Variants in NOVA2 observed in about 807,000 individuals in gnomAD.
NOVA2 encodes the protein RNA-binding protein Nova-2.
In NOVA2, 9 loss-of-function variants were observed where a neutral mutation model predicts 22.5. That is an observed-to-expected ratio of 0.40 (90% CI 0.24 to 0.70). The LOEUF is 0.70. NOVA2 is among the 30% of genes least tolerant of loss of function. NOVA2 has a pLI of 0.38. For synonymous variants in NOVA2, 318 were observed against 335.2 expected (o/e 0.95, Z 0.56); for missense variants, 383 against 682.8 (o/e 0.56, Z 4.89).
chr19:45,961,907 G>A (rs1968101509), intron 1 of NOVA2, among the ~76,000 whole-genome samples: 1 of 152,194 alleles, frequency 6.6e-6, no homozygotes, highest in Non-Finnish European at 1.5e-5. Context: ...TGCTCTTCCA[G>A]AGGGACTAAG....
intron 3 of NOVA2, among the ~76,000 whole-genome samples, chr19:45,943,218 T>C (rs555443238): frequency 6.6e-6 from 1 of 151,570 alleles, no homozygotes; most frequent in East Asian, 2.0e-4. Context: ...CATGCCCAGC[T>C]AATTTTTTTG....
chr19:45,949,289 ATG>A (rs535223824), intron 3 of NOVA2, among the ~76,000 whole-genome samples: 7 of 148,398 alleles, frequency 4.7e-5, no homozygotes, highest in South Asian at 2.3e-4. Context: ...AGCTTACAGT[ATG>A]TGAATTATAG....
chr19:45,969,976 C>T (rs1968213792), intron 1 of NOVA2, among the ~76,000 whole-genome samples: 1 of 152,172 alleles, frequency 6.6e-6, no homozygotes, highest in Non-Finnish European at 1.5e-5. Flanking sequence ...CTTGCTGGGA[C>T]ACCCAGGAAA....
chr19:45,972,405 C>T (rs948953162), intron 1 of NOVA2, among the ~76,000 whole-genome samples: 10 of 152,122 alleles, frequency 6.6e-5, no homozygotes, highest in East Asian at 1.9e-4. Context: ...CTGATCTACA[C>T]GGCCTCTTCT....
At chr19:45,958,110 CA>C (rs33945455) in intron 2 of NOVA2, among the ~76,000 whole-genome samples, 24,854 of 87,470 alleles carry the variant, frequency 0.28, 2,089 homozygotes, top group Non-Finnish European at 0.32. Context: ...GACTCCGTCT[CA>C]AAAAAAAAAA....
Position 45,973,287 on chromosome 19 carries a change from G to A in NOVA2, c.65C>T (p.Thr22Ile). 1.4e-6 allele frequency: 2 copies of A among 1,400,686 alleles called. No individual in the cohort carries two copies. Among genetic ancestry groups the A allele is most frequent in the Non-Finnish European group, 1.9e-6 (2 of 1,068,546 alleles). 86.8% of individuals were successfully genotyped at this position (1,400,686 alleles called of 1,614,324 possible). ...PLETPPEVVCTKRSNTGEEGE... is the reference protein window; with the variant it reads ...PLETPPEVVCIKRSNTGEEGE... ...CTCACCTCCCGTGTTGCTGCGCTTG[G>A]TGCAGACCACCTCGGGGGGCGTTTC... The change falls in exon 1 of 4, where the codon ACC becomes ATC. Residue 22 changes from threonine to isoleucine, a missense_variant. Transcript: ENST00000263257.
intron 3 of NOVA2, among the ~76,000 whole-genome samples, chr19:45,949,440 A>C (rs2146413546): frequency 6.6e-6 from 1 of 152,188 alleles, no homozygotes; most frequent in South Asian, 2.1e-4. Flanking sequence ...AGTATTTTAG[A>C]GCAGTGAAGG....
chr19:45,957,241 C>CA (rs1003288912), intron 2 of NOVA2, among the ~76,000 whole-genome samples: 15 of 150,024 alleles, frequency 1.0e-4, no homozygotes, highest in South Asian at 2.1e-4. Flanking sequence ...CCCATCTCTA[C>CA]AAAAAAAAAT....
chr19:45,951,840 A>G (rs1054581877), intron 3 of NOVA2, among the ~76,000 whole-genome samples: 8 of 152,092 alleles, frequency 5.3e-5, no homozygotes, highest in African/African-American at 1.9e-4. Context: ...AGCATTTTAA[A>G]GTCAGTTGAT....
At position 45,937,269 on chromosome 19, in the gene NOVA2, T is replaced by C. The variant is rs1967668278; in HGVS notation, c.*2594A>G. 2.0e-5 allele frequency: 3 copies of C among 152,148 alleles called. No homozygotes were observed. Among genetic ancestry groups the C allele is most frequent in the South Asian group, 4.1e-4 (2 of 4,824 alleles). 9.4% of individuals were successfully genotyped at this position (152,148 alleles called of 1,614,324 possible). The stretch of plus-strand genomic sequence containing the variant: ...TGAGAGGAGTCCTGGACCCGGCTGA[T>C]TGGGACCCAGACTCCAGTGAATGAG... On this transcript the variant is annotated 3_prime_UTR_variant, in exon 4 of 4. Coordinates refer to ENST00000263257, the MANE Select transcript of NOVA2 (RefSeq NM_002516.4).
chr19:45,957,165 CT>C (rs879855587), intron 2 of NOVA2, among the ~76,000 whole-genome samples: 4 of 152,110 alleles, frequency 2.6e-5, no homozygotes, highest in Non-Finnish European at 4.4e-5. Context: ...AATCCCATCA[CT>C]TTAGGAGGCC....
chr19:45,973,764 G>A lies in NOVA2; in HGVS notation c.-413C>T, dbSNP rs929342459. ...GATAGGGCCGGGAAAGAACTGAGAG[G>A]TGGGGTCTCTCCTGGGACCACAGAG... On this transcript the variant is annotated 5_prime_UTR_variant, in exon 1 of 4. Transcript: ENST00000263257. Among the ~76,000 whole-genome samples the A allele has an allele frequency of 2.6e-5, 4 of 151,388 alleles. No individual in the cohort carries two copies. Among genetic ancestry groups the A allele is most frequent in the African/African-American group, 9.7e-5 (4 of 41,242 alleles).
chr19:45,964,799 GA>G (rs925570334), intron 1 of NOVA2, among the ~76,000 whole-genome samples: 1 of 152,092 alleles, frequency 6.6e-6, no homozygotes, highest in Non-Finnish European at 1.5e-5. Flanking sequence ...GAGCTCAAGG[GA>G]TCCAACTGCC....
At chr19:45,960,663 C>T (rs1428476684) in intron 2 of NOVA2, among the ~76,000 whole-genome samples, 1 of 152,036 alleles carries the variant, frequency 6.6e-6, no homozygotes, top group Non-Finnish European at 1.5e-5. Flanking sequence ...CTGGCTGGCC[C>T]CCAAGCCCGG....
chr19:45,952,373 G>A (rs1967939161), intron 3 of NOVA2, among the ~76,000 whole-genome samples: 1 of 152,184 alleles, frequency 6.6e-6, no homozygotes, highest in Non-Finnish European at 1.5e-5. Flanking sequence ...AGTACTGTAC[G>A]GAGAAGGATT....
intron 1 of NOVA2, among the ~76,000 whole-genome samples, chr19:45,962,807 T>A (rs956925441): frequency 6.6e-6 from 1 of 151,770 alleles, no homozygotes; most frequent in African/African-American, 2.4e-5. Flanking sequence ...CCACCACACG[T>A]GGCTAATTTT....
At chr19:45,959,591 G>C (rs977469574) in intron 2 of NOVA2, among the ~76,000 whole-genome samples, 2 of 152,036 alleles carry the variant, frequency 1.3e-5, no homozygotes, top group Non-Finnish European at 1.5e-5. Context: ...CTGGGCCAGG[G>C]TGGAAGAGAA....
Position 45,935,247 on chromosome 19 carries a change from A to G in NOVA2, c.*4616T>C, listed in dbSNP as rs1250346052. 6.5e-6 allele frequency: 1 copy of G among 152,684 alleles called. No individual in the cohort carries two copies. The highest frequency in any genetic ancestry group is 1.5e-5 in the Non-Finnish European group (1 of 68,448). 9.5% of individuals were successfully genotyped at this position (152,684 alleles called of 1,614,324 possible). ...AAAACCAGCAGCCTTCACCACCATG[A>G]CCCCACAGATTCTCTTCCCATTTCC... On this transcript the variant is annotated 3_prime_UTR_variant, in exon 4 of 4. Transcript: ENST00000263257.
intron 3 of NOVA2, among the ~76,000 whole-genome samples, chr19:45,951,652 C>T (rs893183385): frequency 6.7e-6 from 1 of 148,630 alleles, no homozygotes; most frequent in Non-Finnish European, 1.5e-5. Flanking sequence ...AAAAAATTAG[C>T]CAGGCGTGGT....
Sources: allele counts gnomAD v4.1 joint callset (sites outside exome capture counted in the v4.1 genomes callset), GRCh38; gene constraint gnomAD v4.1.1; transcripts MANE v1.5; gene names NCBI Gene and HGNC (gene_info 2026-07-23, HGNC 2026-07-21).